PREX1: variants seen among roughly 807,000 people sequenced by gnomAD.
PREX1 encodes phosphatidylinositol-3,4,5-trisphosphate dependent Rac exchange factor 1, also known as phosphatidylinositol 3,4,5-trisphosphate-dependent Rac exchanger 1 protein.
In PREX1, 41 loss-of-function variants were observed where a neutral mutation model predicts 198.3. That is an observed-to-expected ratio of 0.21 (90% confidence interval 0.16 to 0.27). PREX1 has a LOEUF of 0.27. Among genes scored for constraint, PREX1 ranks in the 10% least tolerant of loss-of-function variants. The pLI, the probability that PREX1 is intolerant of heterozygous loss-of-function variation, is 1.00. For synonymous variants in PREX1, 843 were observed against 887.2 expected (o/e 0.95, Z 0.89); for missense variants, 1,620 against 2,200.7 (o/e 0.74, Z 5.28).
At chr20:48,632,218 G>T in intron 35 of PREX1, 59 bp downstream of exon 35, 1 of 1,525,604 alleles carries the variant, frequency 6.6e-7, no homozygotes, top group South Asian at 1.1e-5. Context: ...CCATGCTAAT[G>T]CCCACTCCAC....
At chr20:48,782,239 G>T (rs561490213) in intron 1 of PREX1, among the ~76,000 whole-genome samples, 1 of 152,302 alleles carries the variant, frequency 6.6e-6, no homozygotes, top group Admixed American at 6.5e-5. Context: ...TGTGTTGTGG[G>T]AGGGACACAG....
intron 4 of PREX1, among the ~76,000 whole-genome samples, chr20:48,729,119 C>A (rs1052674099): frequency 1.3e-5 from 2 of 151,948 alleles, no homozygotes; most frequent in Non-Finnish European, 2.9e-5. Flanking sequence ...ATTCTGTCGC[C>A]CAGGCTGGAG....
At chr20:48,745,667 CACAA>C in intron 2 of PREX1, among the ~76,000 whole-genome samples, 1 of 152,328 alleles carries the variant, frequency 6.6e-6, no homozygotes, top group East Asian at 1.9e-4. Context: ...TCTAAACTCT[CACAA>C]ACAATATATG....
intron 2 of PREX1, among the ~76,000 whole-genome samples, chr20:48,746,950 ACACACACACACACAC>A (rs1248068674): frequency 8.7e-3 from 12 of 1,374 alleles, no homozygotes; most frequent in Non-Finnish European, 0.015. Context: ...GAACACACAC[ACACACACACACACAC>A]ACACACACAC....
chr20:48,709,385 G>A (rs932815240), intron 5 of PREX1, among the ~76,000 whole-genome samples: 1 of 152,174 alleles, frequency 6.6e-6, no homozygotes, highest in Non-Finnish European at 1.5e-5. Context: ...TCGTAGTTAC[G>A]AGCACAAATG....
chr20:48,867,735 C>T, the PREX1 span, among the ~76,000 whole-genome samples: 23 of 152,080 alleles, frequency 1.5e-4, no homozygotes, highest in Admixed American at 4.6e-4. Flanking sequence ...GTGGAGGTTG[C>T]AGTGAGCCAA....
At chr20:48,676,618 A>T (rs4810852) in intron 13 of PREX1, among the ~76,000 whole-genome samples, 1 of 152,110 alleles carries the variant, frequency 6.6e-6, no homozygotes, top group African/African-American at 2.4e-5. Context: ...TGGAGGGGCT[A>T]GGGCAGGGGT....
At chr20:48,639,702 T>C in intron 30 of PREX1, 64 bp downstream of exon 30, 9 of 1,585,604 alleles carry the variant, frequency 5.7e-6, no homozygotes, top group Non-Finnish European at 4.3e-6. Flanking sequence ...CCTGATTCTC[T>C]CAGGTTCCAC....
chr20:48,887,867 G>A, the PREX1 span, among the ~76,000 whole-genome samples: 2 of 148,314 alleles, frequency 1.3e-5, no homozygotes, highest in South Asian at 4.3e-4. Flanking sequence ...GGAGAATGGC[G>A]TAAACCCGGG....
chr20:48,770,144 ATC>A (rs2090228660), intron 1 of PREX1, among the ~76,000 whole-genome samples: 1 of 152,242 alleles, frequency 6.6e-6, no homozygotes, highest in Non-Finnish European at 1.5e-5. Context: ...GGTGGGAGCC[ATC>A]TCTAGGTCAG....
In PREX1 at chr20:48,653,343, G is replaced by A. The variant is rs370929900; in HGVS notation, c.2346+18C>T. 132 of 1,606,894 alleles carry A rather than the reference G, an allele frequency of 8.2e-5. No homozygotes were observed. The Middle Eastern group carries it at 8.3e-4, about 10-fold the overall frequency. ...TCAGCAGGACTTCTTTGACGGCCCC[G>A]GTTTCCAGTAAACTTACCAGGGCCT... is the stretch of plus-strand genomic sequence containing the variant. On this transcript the variant is annotated intron_variant, in intron 20 of 39. Coordinates refer to ENST00000371941, the MANE Select transcript of PREX1 (RefSeq NM_020820.4).
At chr20:48,749,168 G>A (rs55777439) in intron 1 of PREX1, among the ~76,000 whole-genome samples, 1,525 of 152,244 alleles carry the variant, frequency 0.01, 24 homozygotes, top group African/African-American at 0.035. Flanking sequence ...AGCCACCTCC[G>A]CCTGGTTTGC....
chr20:48,627,870 CATG>C lies in PREX1; in HGVS notation c.4857_4859del (p.Ile1619del). The C allele has an allele frequency of 6.2e-7, 1 of 1,612,892 alleles. No homozygotes were observed. The highest frequency in any genetic ancestry group is 8.5e-7 in the Non-Finnish European group (1 of 1,179,858). Reference sequence around the variant, plus strand: ...GGCCAAGCGGCCTCACCTGCTTCCGCATGATGTCCGTGGCCTGCATGATGCACT... The same window carrying C: ...GGCCAAGCGGCCTCACCTGCTTCCGCATGTCCGTGGCCTGCATGATGCACT... On this transcript the variant is annotated inframe_deletion, in exon 38 of 40. Coordinates refer to ENST00000371941, the MANE Select transcript of PREX1 (RefSeq NM_020820.4).
At chr20:48,757,880 T>G (rs2090162021) in intron 1 of PREX1, among the ~76,000 whole-genome samples, 1 of 152,142 alleles carries the variant, frequency 6.6e-6, no homozygotes, top group Admixed American at 6.6e-5. Flanking sequence ...AAAACTGCAT[T>G]GTCAAAAAGA....
At chr20:48,868,579 T>C in the PREX1 span, among the ~76,000 whole-genome samples, 1 of 152,190 alleles carries the variant, frequency 6.6e-6, no homozygotes, top group Non-Finnish European at 1.5e-5. Flanking sequence ...TCCAACTGCC[T>C]CAGCCTCCCA....
At chr20:48,880,238 T>C in the PREX1 span, among the ~76,000 whole-genome samples, 1 of 152,200 alleles carries the variant, frequency 6.6e-6, no homozygotes, top group African/African-American at 2.4e-5. Flanking sequence ...TACAAATATA[T>C]ACACCTTGAA....
At chr20:48,813,208 G>C (rs1354480474) in intron 1 of PREX1, among the ~76,000 whole-genome samples, 1 of 152,172 alleles carries the variant, frequency 6.6e-6, no homozygotes, top group Non-Finnish European at 1.5e-5. Context: ...TATGAGGTAG[G>C]GACAGCGATT....
At position 48,653,504 on chromosome 20, in the gene PREX1, G is replaced by A. The variant is rs766961041; in HGVS notation, c.2210-7C>T. 1.2e-6 allele frequency: 2 copies of A among 1,604,390 alleles called. No homozygotes were observed. The highest frequency in any genetic ancestry group is 1.1e-5 in the South Asian group (1 of 90,942). On this transcript the variant is annotated splice_polypyrimidine_tract_variant and splice_region_variant and intron_variant, in intron 19 of 39. Transcript: ENST00000371941. Reference sequence around the variant, plus strand: ...GCAGCCATGGCCTCAGAGCCTAAGGGGAACAGGAGCACATGAGGCTGGATG... The same window carrying A: ...GCAGCCATGGCCTCAGAGCCTAAGGAGAACAGGAGCACATGAGGCTGGATG...
chr20:48,818,617 T>C (rs988654356), intron 1 of PREX1, among the ~76,000 whole-genome samples: 9 of 152,222 alleles, frequency 5.9e-5, no homozygotes, highest in African/African-American at 1.4e-4. Context: ...CTGCAGCTAT[T>C]TTCCTCATGC....
Sources: allele counts gnomAD v4.1 joint callset (sites outside exome capture counted in the v4.1 genomes callset), GRCh38; gene constraint gnomAD v4.1.1; transcripts MANE v1.5; gene names NCBI Gene and HGNC (gene_info 2026-07-23, HGNC 2026-07-21).